The following GRM8 variants were observed in gnomAD, a reference collection of about 807,000 sequenced individuals.
GRM8 encodes metabotropic glutamate receptor 8.
A neutral mutation model predicts 87.2 loss-of-function variants in GRM8; 47 were observed. The ratio of observed to expected loss-of-function variants is 0.54; its 90% CI spans 0.43 to 0.69. The LOEUF (loss-of-function observed/expected upper bound fraction) is 0.69, where lower values mean the gene tolerates loss of function less well. Among genes scored for constraint, GRM8 ranks in the 30% least tolerant of loss-of-function variants. The probability of loss-of-function intolerance (pLI) is 0.00; values close to 1 mark genes in which losing one functional copy is unlikely to be tolerated. For synonymous variants in GRM8, 396 were observed against 404.5 expected, an observed-to-expected ratio of 0.98 and a Z score of 0.25; for missense variants, 1,019 against 1,139.2, an observed-to-expected ratio of 0.89 and a Z score of 1.52.
chr7:126,489,042 A>G (rs1017554276), intron 9 of GRM8, among the ~76,000 whole-genome samples: 2 of 151,940 alleles, frequency 1.3e-5, no homozygotes, highest in African/African-American at 2.4e-5. Flanking sequence ...AAATATGACA[A>G]TGCAGCCATA....
chr7:126,828,447 G>A (rs909861843), intron 6 of GRM8, among the ~76,000 whole-genome samples: 1 of 152,166 alleles, frequency 6.6e-6, no homozygotes, highest in African/African-American at 2.4e-5. Flanking sequence ...TTCGGAGGGT[G>A]TATCTGTCGA....
At chr7:127,184,210 A>G (rs1000757639) in intron 2 of GRM8, among the ~76,000 whole-genome samples, 7 of 151,908 alleles carry the variant, frequency 4.6e-5, no homozygotes, top group African/African-American at 1.7e-4. Flanking sequence ...AGAAAGGAAA[A>G]CTATAGATCA....
chr7:126,904,882 A>T (rs1403518827), intron 3 of GRM8, among the ~76,000 whole-genome samples, 199 bp from the exon 4 acceptor site: 1 of 152,232 alleles, frequency 6.6e-6, no homozygotes, highest in Non-Finnish European at 1.5e-5. Flanking sequence ...TATTAATCAG[A>T]CATGGGTTTC....
At chr7:126,735,515 A>T (rs1355182887) in intron 7 of GRM8, among the ~76,000 whole-genome samples, 1 of 152,128 alleles carries the variant, frequency 6.6e-6, no homozygotes, top group African/African-American at 2.4e-5. Flanking sequence ...CAGCAATTTG[A>T]GAGTAGCTAT....
chr7:127,093,232 G>T (rs1329075193), intron 3 of GRM8, among the ~76,000 whole-genome samples: 1 of 152,106 alleles, frequency 6.6e-6, no homozygotes, highest in Non-Finnish European at 1.5e-5. Context: ...TGCAAAGAGG[G>T]TAAGCTTGAC....
intron 3 of GRM8, among the ~76,000 whole-genome samples, chr7:127,062,198 G>A (rs1288367458): frequency 6.6e-6 from 1 of 152,006 alleles, no homozygotes; most frequent in African/African-American, 2.4e-5. Context: ...GCTAATTCCA[G>A]GTAATTCAGA....
chr7:126,439,219 TTTG>T, intron 10 of GRM8, 51 bp from the exon 11 acceptor site: 1 of 985,012 alleles, frequency 1.0e-6, no homozygotes, highest in Non-Finnish European at 1.6e-6. Context: ...AATACATCCT[TTTG>T]TTAATATGAT....
At chr7:127,040,604 GAAAA>G (rs34065508) in intron 3 of GRM8, among the ~76,000 whole-genome samples, 3 of 147,886 alleles carry the variant, frequency 2.0e-5, no homozygotes, top group African/African-American at 5.0e-5. Flanking sequence ...TATTCCTTGT[GAAAA>G]AAAAAAAAAA....
intron 6 of GRM8, among the ~76,000 whole-genome samples, chr7:126,775,964 G>A (rs2151625606): frequency 6.6e-6 from 1 of 152,184 alleles, no homozygotes; most frequent in South Asian, 2.1e-4. Flanking sequence ...CCTTTATTCA[G>A]CTGTTCACTC....
chr7:126,989,237 A>G (rs534897862), intron 3 of GRM8, among the ~76,000 whole-genome samples: 4 of 152,304 alleles, frequency 2.6e-5, no homozygotes, highest in South Asian at 2.1e-4. Context: ...CTTTACTAAC[A>G]GTTATTATTT....
At chr7:126,462,733 AGTGAAAACTTTTATT>A (rs929554307) in intron 9 of GRM8, among the ~76,000 whole-genome samples, 51 of 151,832 alleles carry the variant, frequency 3.4e-4, no homozygotes, top group African/African-American at 1.2e-3. Flanking sequence ...ATTGCACTCA[AGTGAAAACTTTTATT>A]GTCGTGGAGG....
At chr7:126,981,500 G>A (rs1811523748) in intron 3 of GRM8, among the ~76,000 whole-genome samples, 1 of 152,160 alleles carries the variant, frequency 6.6e-6, no homozygotes, top group South Asian at 2.1e-4. Context: ...TAGCGAGGAA[G>A]TTGAGCATGC....
In GRM8 at chr7:126,816,823, T is replaced by C. The variant is rs191016396; in HGVS notation, c.1157-46758A>G. Among the ~76,000 whole-genome samples the C allele has an allele frequency of 3.9e-4, 59 of 151,910 alleles. 2 individuals carry two copies. The highest frequency in any genetic ancestry group is 3.2e-3 in the Admixed American group (48 of 15,214). On this transcript the variant is annotated intron_variant, in intron 6 of 10. Coordinates refer to ENST00000339582, the MANE Select transcript of GRM8 (RefSeq NM_000845.3). ...AGAGGTACACAAATAGTATGACAAA[T>C]CTCAATGGATTCATCACCCAGTTGC... is the stretch of plus-strand genomic sequence containing the variant.
intron 9 of GRM8, among the ~76,000 whole-genome samples, chr7:126,473,730 C>G (rs1422509868): frequency 6.6e-6 from 1 of 152,126 alleles, no homozygotes; most frequent in Non-Finnish European, 1.5e-5. Flanking sequence ...ATTATAGCTC[C>G]CACAGTCCCC....
At chr7:126,558,131 G>A (rs1420731336) in intron 8 of GRM8, among the ~76,000 whole-genome samples, 1 of 152,118 alleles carries the variant, frequency 6.6e-6, no homozygotes, top group African/African-American at 2.4e-5. Context: ...AAGGTGGAAG[G>A]GTAGGATCAA....
At chr7:126,928,772 G>T (rs1366594781) in intron 3 of GRM8, among the ~76,000 whole-genome samples, 2 of 151,902 alleles carry the variant, frequency 1.3e-5, no homozygotes, top group African/African-American at 4.8e-5. Flanking sequence ...ATATAATATG[G>T]ATACCATCTT....
At chr7:126,682,836 G>T (rs574049665) in intron 7 of GRM8, among the ~76,000 whole-genome samples, 1 of 152,302 alleles carries the variant, frequency 6.6e-6, no homozygotes, top group Non-Finnish European at 1.5e-5. Flanking sequence ...GGATCACGAG[G>T]TCAGGAGTTT....
intron 9 of GRM8, among the ~76,000 whole-genome samples, chr7:126,524,943 C>T (rs951730984): frequency 1.3e-5 from 2 of 151,952 alleles, no homozygotes; most frequent in African/African-American, 4.8e-5. Context: ...AGAACATTTT[C>T]TTATATTTCC....
chr7:127,112,187 C>A (rs954033544), intron 2 of GRM8: 17 of 152,236 alleles, frequency 1.1e-4, no homozygotes, highest in African/African-American at 3.9e-4. Context: ...ACTACACTGG[C>A]TTCCTTTTTG....
Sources: gnomAD v4.1 joint callset for allele counts (sites outside exome capture counted in the v4.1 genomes callset) on GRCh38, gnomAD v4.1.1 for gene constraint, MANE v1.5 for transcripts, NCBI Gene and HGNC (gene_info 2026-07-23, HGNC 2026-07-21) for gene names.